Variants in ANKS1A observed in about 807,000 individuals in gnomAD.
ANKS1A encodes the protein ankyrin repeat and sterile alpha motif domain containing 1A, also known as ankyrin repeat and SAM domain-containing protein 1A.
ANKS1A carries 55 observed loss-of-function variants against 120.3 expected under a neutral mutation model. The observed-to-expected ratio is 0.46, with a 90% CI of 0.37 to 0.57. ANKS1A has a LOEUF of 0.57. ANKS1A is among the 20% of genes least tolerant of loss of function. The pLI is 0.00. For synonymous variants in ANKS1A, 590 were observed against 604.7 expected, an observed-to-expected ratio of 0.98 and a Z score of 0.36; for missense variants, 1,123 against 1,480.3, an observed-to-expected ratio of 0.76 and a Z score of 3.96.
Position 34,983,116 on chromosome 6 carries a change from C to G in ANKS1A, c.812C>G (p.Thr271Ser). ...TCCACCTGGTGTGCCTTTCTAGGAACTGACGTCAACATAAAAGATAACCAT... is the reference window on the plus strand; with the variant it reads ...TCCACCTGGTGTGCCTTTCTAGGAAGTGACGTCAACATAAAAGATAACCAT... Reference protein sequence around the residue: ...DVVQILLAAGTDVNIKDNHGL... With the variant: ...DVVQILLAAGSDVNIKDNHGL... Residue 271 changes from threonine to serine, a missense_variant, in exon 6 of 24, where the codon ACT becomes AGT. Thr to Ser is a moderately conservative substitution (Grantham distance 58, BLOSUM62 1). Transcript: ENST00000360359. 1 of 1,613,960 alleles carries G rather than the reference C, an allele frequency of 6.2e-7. No homozygotes were observed. Among genetic ancestry groups the G allele is most frequent in the Non-Finnish European group, 8.5e-7 (1 of 1,179,946 alleles).
intron 13 of ANKS1A, among the ~76,000 whole-genome samples, chr6:35,068,174 G>A (rs893200727): frequency 1.3e-5 from 2 of 152,170 alleles, no homozygotes; most frequent in East Asian, 1.9e-4. Flanking sequence ...GATTACAGGC[G>A]TGAGCCACCG....
At position 35,078,560 on chromosome 6, in the gene ANKS1A, G is replaced by A; in HGVS notation, c.2187G>A (p.Gly729=). ...LNGFDDVHFL[G]SNVMEEQDLR... ...GACATCCACCTTTCTGCTCTCAGGGGTCTAATGTGATGGAAGAGCAGGACC... is the reference window on the plus strand; with the variant it reads ...GACATCCACCTTTCTGCTCTCAGGGATCTAATGTGATGGAAGAGCAGGACC... Residue 729 remains glycine, a splice_region_variant and synonymous_variant, in exon 14 of 24, where the codon GGG becomes GGA. Transcript: ENST00000360359. 2 of 1,611,208 alleles carry A rather than the reference G, an allele frequency of 1.2e-6. No individual in the cohort carries two copies. The highest frequency in any genetic ancestry group is 1.1e-5 in the South Asian group (1 of 91,088).
At chr6:34,950,872 AAGGTGAGGTGGCATGG>A (rs1292487970) in intron 1 of ANKS1A, among the ~76,000 whole-genome samples, 1 of 152,170 alleles carries the variant, frequency 6.6e-6, no homozygotes, top group Non-Finnish European at 1.5e-5. Flanking sequence ...TGAAAGATAG[AAGGTGAGGTGGCATGG>A]AGGCAAGGTC....
intron 3 of ANKS1A, among the ~76,000 whole-genome samples, chr6:34,973,957 T>G (rs1581575613): frequency 1.4e-5 from 1 of 73,904 alleles, no homozygotes; most frequent in African/African-American, 5.3e-5. Flanking sequence ...TCCCTTCCCC[T>G]TCCCCTTGCC....
rs201710244 is a variant in ANKS1A at position 35,082,858 on chromosome 6, T to C, written c.2835+42T>C. ...CTCCCAGCAGGGCCGGCCTCCCTGCTCCTTCTCGGCCAGGCACCTGCGGCC... is the reference window on the plus strand; with the variant it reads ...CTCCCAGCAGGGCCGGCCTCCCTGCCCCTTCTCGGCCAGGCACCTGCGGCC... On this transcript the variant is annotated intron_variant, in intron 18 of 23. Transcript: ENST00000360359. This position sits in a 1 kb window ranked among gnomAD's most constrained non-coding sequence, Gnocchi z 4.1. 1.2e-4 allele frequency: 190 copies of C among 1,587,476 alleles called. No individual in the cohort carries two copies. Among genetic ancestry groups the C allele is most frequent in the Middle Eastern group, 1.2e-3 (7 of 5,902 alleles).
intron 11 of ANKS1A, among the ~76,000 whole-genome samples, chr6:35,041,939 T>C (rs1280472717): frequency 1.3e-5 from 2 of 152,136 alleles, no homozygotes; most frequent in Non-Finnish European, 2.9e-5. Context: ...ACCTATATGA[T>C]TTAGGAATAC....
At position 35,085,738 on chromosome 6, in the gene ANKS1A, G is replaced by T. The variant is rs1265586870; in HGVS notation, c.3133-28G>T. ...GTGTGAAGCGGCTCCTGAACCAGGT[G>T]CTTAAGTGGTGATCTGCTTCCTCCC... is the stretch of plus-strand genomic sequence containing the variant. On this transcript the variant is annotated intron_variant, in intron 21 of 23. Coordinates refer to ENST00000360359, the MANE Select transcript of ANKS1A (RefSeq NM_015245.3). This position sits in a 1 kb window ranked among gnomAD's most constrained non-coding sequence, Gnocchi z 4.7. 2 of 1,554,274 alleles carry T rather than the reference G, an allele frequency of 1.3e-6. No individual in the cohort carries two copies. The highest frequency in any genetic ancestry group is 4.0e-5 in the Admixed American group (2 of 50,596).
At chr6:34,969,241 A>AG (rs1771059357) in intron 2 of ANKS1A, among the ~76,000 whole-genome samples, 1 of 152,058 alleles carries the variant, frequency 6.6e-6, no homozygotes, top group African/African-American at 2.4e-5. Context: ...TACTTTTGCA[A>AG]TAACTATTTA....
At chr6:34,939,225 T>C (rs1448619449) in intron 1 of ANKS1A, among the ~76,000 whole-genome samples, 1 of 152,206 alleles carries the variant, frequency 6.6e-6, no homozygotes, top group Non-Finnish European at 1.5e-5. Context: ...AGCCCTTCCC[T>C]ACAGGGCCAG....
chr6:35,065,332 A>G (rs1372260208), intron 13 of ANKS1A, among the ~76,000 whole-genome samples: 3 of 152,170 alleles, frequency 2.0e-5, no homozygotes, highest in Non-Finnish European at 4.4e-5. Flanking sequence ...CCTTTACAGT[A>G]GAAGGAACTC....
At chr6:34,937,119 TG>T (rs1424776745) in intron 1 of ANKS1A, among the ~76,000 whole-genome samples, 1 of 152,138 alleles carries the variant, frequency 6.6e-6, no homozygotes, top group Non-Finnish European at 1.5e-5. Flanking sequence ...ATAGTCATTT[TG>T]GATGTGTAGT....
At chr6:34,948,537 C>A (rs1769915871) in intron 1 of ANKS1A, among the ~76,000 whole-genome samples, 1 of 151,996 alleles carries the variant, frequency 6.6e-6, no homozygotes, top group South Asian at 2.1e-4. Flanking sequence ...GAAGTCTTTG[C>A]CATGAACTAA....
chr6:34,935,433 C>T (rs965348004), intron 1 of ANKS1A, among the ~76,000 whole-genome samples: 5 of 152,122 alleles, frequency 3.3e-5, no homozygotes, highest in African/African-American at 9.7e-5. Context: ...ACTGGGATTG[C>T]CCTGGTGTTA....
chr6:35,078,661 C>A lies in ANKS1A; in HGVS notation c.2283+5C>A, dbSNP rs781769364. 1 of 1,600,562 alleles carries A rather than the reference C, an allele frequency of 6.2e-7. No homozygotes were observed. The highest frequency in any genetic ancestry group is 8.5e-7 in the Non-Finnish European group (1 of 1,179,752). On this transcript the variant is annotated splice_donor_5th_base_variant and intron_variant, in intron 14 of 23. Transcript: ENST00000360359. ...GCGGCACGCTCCCTACCCAAGGTGA[C>A]CATCGCCGGCCCTGTAGCCTCAGCC...
At chr6:34,944,887 A>C (rs1376434953) in intron 1 of ANKS1A, among the ~76,000 whole-genome samples, 1 of 152,094 alleles carries the variant, frequency 6.6e-6, no homozygotes, top group Non-Finnish European at 1.5e-5. Context: ...TCATTCTCTT[A>C]ACTGTTTTTC....
In ANKS1A at chr6:35,049,776, C is replaced by T. The variant is rs1427759470; in HGVS notation, c.2011-4323C>T. Reference sequence around the variant, plus strand: ...CTCTACATGGGGCCCCAACGAAAGACATATTGACCAGACTGATTCCTGCTC... The same window carrying T: ...CTCTACATGGGGCCCCAACGAAAGATATATTGACCAGACTGATTCCTGCTC... On this transcript the variant is annotated intron_variant, in intron 11 of 23. Transcript: ENST00000360359. Among the ~76,000 whole-genome samples, 9 of 152,204 alleles carry T rather than the reference C, an allele frequency of 5.9e-5. No homozygotes were observed. In the South Asian group the frequency reaches 1.0e-3, roughly 17 times the overall value.
intron 1 of ANKS1A, among the ~76,000 whole-genome samples, chr6:34,966,651 TTAAG>T (rs1278166132): frequency 1.3e-5 from 2 of 152,218 alleles, no homozygotes; most frequent in East Asian, 1.9e-4. Flanking sequence ...GCTTTGAGGA[TTAAG>T]TAAGGTAACA....
At position 35,079,651 on chromosome 6, in the gene ANKS1A, G is replaced by A; in HGVS notation, c.2419G>A (p.Glu807Lys). 6.2e-7 allele frequency: 1 copy of A among 1,614,178 alleles called. No homozygotes were observed. Among genetic ancestry groups the A allele is most frequent in the South Asian group, 1.1e-5 (1 of 91,084 alleles). Residue 807 changes from glutamate (E) to lysine (K), a missense_variant, in exon 15 of 24, where the codon GAG (glutamate) becomes AAG (lysine). This residue lies in a region of ANKS1A where 904 missense variants were observed against 1,130.4 expected (regional missense o/e 0.80). Coordinates refer to ENST00000360359, the MANE Select transcript of ANKS1A (RefSeq NM_015245.3). The part of the protein sequence containing the change: ...SSIDTVKNLW[E>K]LELVNVLKVQ... ...CATTGACACCGTGAAGAACCTCTGG[G>A]AGCTAGAGCTCGTCAATGTGAGTAG...
chr6:35,069,571 C>T (rs1297187417), intron 13 of ANKS1A, among the ~76,000 whole-genome samples: 1 of 151,964 alleles, frequency 6.6e-6, no homozygotes, highest in Admixed American at 6.6e-5. Context: ...GATAGGGTCT[C>T]TCTCTGTTGC....
Sources: allele counts gnomAD v4.1 joint callset (sites outside exome capture counted in the v4.1 genomes callset), GRCh38; gene constraint gnomAD v4.1.1; regional missense constraint gnomAD v4.1.1; non-coding constraint Gnocchi (gnomAD v3.1); transcripts MANE v1.5; gene names NCBI Gene and HGNC (gene_info 2026-07-23, HGNC 2026-07-21).